The following MAP4K3 variants were observed in gnomAD, a reference collection of about 807,000 sequenced individuals.
MAP4K3 encodes MAPK/ERK kinase kinase kinase 3.
In MAP4K3, 94 loss-of-function variants were observed where a neutral mutation model predicts 143.5. The observed-to-expected ratio is 0.65, with a 90% CI of 0.55 to 0.78. The LOEUF (loss-of-function observed/expected upper bound fraction) is 0.78, where lower values mean the gene tolerates loss of function less well. MAP4K3 is among the 30% of genes least tolerant of loss of function. The probability of loss-of-function intolerance (pLI) is 0.00; values close to 1 mark genes in which losing one functional copy is unlikely to be tolerated. For synonymous variants in MAP4K3, 416 were observed against 347.2 expected (o/e 1.20, Z -2.20); for missense variants, 1,077 against 1,068.1 (o/e 1.01, Z -0.12).
At chr2:39,288,991 G>A (rs1192857596) in intron 19 of MAP4K3, among the ~76,000 whole-genome samples, 1 of 152,218 alleles carries the variant, frequency 6.6e-6, no homozygotes, top group Non-Finnish European at 1.5e-5. Flanking sequence ...GGCGTAGCTT[G>A]CAGTGAGCCA....
chr2:39,301,531 C>T (rs889952326), intron 15 of MAP4K3, among the ~76,000 whole-genome samples: 5 of 152,094 alleles, frequency 3.3e-5, no homozygotes, highest in African/African-American at 1.2e-4. Flanking sequence ...TATCTTTAGC[C>T]AATACAATCT....
intron 1 of MAP4K3, among the ~76,000 whole-genome samples, chr2:39,396,956 T>TA (rs1666825593): frequency 6.6e-6 from 1 of 152,242 alleles, no homozygotes. Flanking sequence ...TTGAATCATT[T>TA]AGTAGTATGT....
At chr2:39,261,694 G>A (rs183556602) in intron 28 of MAP4K3, among the ~76,000 whole-genome samples, 8 of 151,924 alleles carry the variant, frequency 5.3e-5, no homozygotes, top group Admixed American at 2.0e-4. Context: ...ATAAAATTAC[G>A]GCACATTCAC....
intron 1 of MAP4K3, among the ~76,000 whole-genome samples, chr2:39,379,971 A>G (rs954831517): frequency 2.6e-5 from 4 of 152,100 alleles, no homozygotes; most frequent in East Asian, 3.8e-4. Context: ...TTTAACAGAA[A>G]AATTATGACA....
chr2:39,258,816 G>A (rs1680448967), intron 29 of MAP4K3, among the ~76,000 whole-genome samples: 1 of 152,200 alleles, frequency 6.6e-6, no homozygotes, highest in African/African-American at 2.4e-5. Flanking sequence ...TACTGGCAAT[G>A]CGGAACACAT....
chr2:39,423,309 T>C (rs552146531), intron 1 of MAP4K3, among the ~76,000 whole-genome samples: 9 of 152,322 alleles, frequency 5.9e-5, no homozygotes, highest in East Asian at 5.8e-4. Flanking sequence ...CTCTCATTCA[T>C]TGCTGTTAGA....
At chr2:39,341,802 G>C (rs573842004) in intron 4 of MAP4K3, among the ~76,000 whole-genome samples, 1 of 151,998 alleles carries the variant, frequency 6.6e-6, no homozygotes, top group African/African-American at 2.4e-5. Context: ...TAGAAATACT[G>C]TTTTGTCATG....
chr2:39,302,891 C>T (rs1035162515), intron 15 of MAP4K3, among the ~76,000 whole-genome samples: 2 of 152,156 alleles, frequency 1.3e-5, no homozygotes, highest in Non-Finnish European at 1.5e-5. Context: ...TTCAGCAGTT[C>T]ATTTTAGCGA....
chr2:39,326,278 C>G lies in MAP4K3; in HGVS notation c.531-1G>C. The G allele has an allele frequency of 3.1e-6, 5 of 1,612,748 alleles. No individual in the cohort carries two copies. The highest frequency in any genetic ancestry group is 4.2e-6 in the Non-Finnish European group (5 of 1,179,576). ...AACAGCTGCAACTTCTGGAGCCATC[C>G]TGAAATAAATATTCCAGAAAATAAA... is the stretch of plus-strand genomic sequence containing the variant. On this transcript the variant is annotated splice_acceptor_variant, in intron 8 of 33. Coordinates refer to ENST00000263881, the MANE Select transcript of MAP4K3 (RefSeq NM_003618.4). LOFTEE classifies it high-confidence loss of function.
At chr2:39,339,623 A>T (rs899117611) in intron 4 of MAP4K3, among the ~76,000 whole-genome samples, 1 of 152,182 alleles carries the variant, frequency 6.6e-6, no homozygotes, top group Admixed American at 6.5e-5. Context: ...TAAAACCAGA[A>T]GTCTCAGAGG....
At chr2:39,428,773 T>C (rs1056266981) in intron 1 of MAP4K3, among the ~76,000 whole-genome samples, 1 of 151,532 alleles carries the variant, frequency 6.6e-6, no homozygotes, top group Non-Finnish European at 1.5e-5. Context: ...CAATTTTTAT[T>C]AAAAGGAGTC....
chr2:39,304,063 A>C (rs1682606208), intron 15 of MAP4K3, among the ~76,000 whole-genome samples: 1 of 152,120 alleles, frequency 6.6e-6, no homozygotes, highest in Non-Finnish European at 1.5e-5. Context: ...TTTTGTTTTA[A>C]ACTCAGGCAT....
chr2:39,341,754 T>C (rs1167709994), intron 4 of MAP4K3, among the ~76,000 whole-genome samples: 2 of 151,924 alleles, frequency 1.3e-5, no homozygotes, highest in African/African-American at 2.4e-5. Flanking sequence ...AAAAGTGGAA[T>C]AGCCATTTGA....
chr2:39,262,105 A>C (rs1385289439), intron 28 of MAP4K3, among the ~76,000 whole-genome samples: 1 of 152,038 alleles, frequency 6.6e-6, no homozygotes, highest in Non-Finnish European at 1.5e-5. Context: ...TGTATTTTCC[A>C]AATGGTTATT....
chr2:39,347,644 G>A (rs1665333312), intron 3 of MAP4K3, among the ~76,000 whole-genome samples: 1 of 151,908 alleles, frequency 6.6e-6, no homozygotes, highest in Non-Finnish European at 1.5e-5. Context: ...GTGTAGTGTA[G>A]TATAACTTAA....
chr2:39,267,087 A>C lies in MAP4K3; in HGVS notation c.2032+102T>G, dbSNP rs115995970. 9.3e-4 allele frequency: 1,052 copies of C among 1,129,778 alleles called. 8 individuals carry two copies. The African/African-American group carries it at 0.015, about 16-fold the overall frequency. The allele number at this position is 1,129,778 out of a possible 1,614,324, so 70.0% of individuals were successfully genotyped here. ...AGAAATTTGTTCTACTTAAGCAGGA[A>C]AAATAAAGTATTGCTGGCAGAATGC... On this transcript the variant is annotated intron_variant, in intron 27 of 33. Coordinates refer to ENST00000263881, the MANE Select transcript of MAP4K3 (RefSeq NM_003618.4).
intron 1 of MAP4K3, among the ~76,000 whole-genome samples, chr2:39,423,950 A>ATT (rs1001837203): frequency 6.7e-6 from 1 of 149,224 alleles, no homozygotes; most frequent in Non-Finnish European, 1.5e-5. Flanking sequence ...TGGTTCATCA[A>ATT]TTTTTTTTTT....
chr2:39,392,731 G>C (rs2148597769), intron 1 of MAP4K3, among the ~76,000 whole-genome samples: 1 of 152,296 alleles, frequency 6.6e-6, no homozygotes, highest in East Asian at 1.9e-4. Context: ...TGTCATTTCT[G>C]AGGAAGTAGG....
At chr2:39,421,368 A>ATTTTT (rs59291407) in intron 1 of MAP4K3, among the ~76,000 whole-genome samples, 7 of 85,364 alleles carry the variant, frequency 8.2e-5, no homozygotes, top group Non-Finnish European at 1.2e-4. Context: ...TGACTTGGGC[A>ATTTTT]TTTTTTTTTT....
Sources: allele counts gnomAD v4.1 joint callset (sites outside exome capture counted in the v4.1 genomes callset), GRCh38; gene constraint gnomAD v4.1.1; transcripts MANE v1.5; gene names NCBI Gene and HGNC (gene_info 2026-07-23, HGNC 2026-07-21).